The following COL14A1 variants were observed in gnomAD, a reference collection of about 807,000 sequenced individuals.
The protein encoded by COL14A1 is collagen alpha-1(XIV) chain.
In COL14A1, 136 loss-of-function variants were observed where a neutral mutation model predicts 230.3. The ratio of observed to expected loss-of-function variants is 0.59; its 90% CI spans 0.51 to 0.68. COL14A1 has a LOEUF of 0.68. COL14A1 is among the 30% of genes least tolerant of loss of function. The probability of loss-of-function intolerance (pLI) is 0.00; values close to 1 mark genes in which losing one functional copy is unlikely to be tolerated. For missense variants in COL14A1, 1,976 were observed against 2,215.8 expected (o/e 0.89, Z 2.17); for synonymous variants, 792 against 784.1 (o/e 1.01, Z -0.17).
intron 26 of COL14A1, among the ~76,000 whole-genome samples, chr8:120,274,680 G>A (rs1043269437): frequency 6.6e-6 from 1 of 151,154 alleles, no homozygotes; most frequent in Non-Finnish European, 1.5e-5. Flanking sequence ...ATACACCAAC[G>A]ATCAATTCTG....
intron 14 of COL14A1, among the ~76,000 whole-genome samples, chr8:120,220,077 A>C (rs182308656): frequency 6.6e-6 from 1 of 152,208 alleles, no homozygotes; most frequent in Non-Finnish European, 1.5e-5. Context: ...TACTGAAGTG[A>C]AGTATTACTG....
At chr8:120,218,796 A>G (rs80302102) in intron 14 of COL14A1, among the ~76,000 whole-genome samples, 3,335 of 152,280 alleles carry the variant, frequency 0.022, 124 homozygotes, top group African/African-American at 0.077. Flanking sequence ...CTCAGCTTCT[A>G]CTTATTGCTG....
At chr8:120,225,052 A>T (rs1300630062) in intron 14 of COL14A1, 36 bp from the exon 15 acceptor site, 11 of 1,593,816 alleles carry the variant, frequency 6.9e-6, no homozygotes, top group Non-Finnish European at 9.4e-6. Context: ...ACTTAGCATT[A>T]GATAGAGCTG....
chr8:120,285,970 G>T lies in COL14A1; in HGVS notation c.4077G>T (p.Lys1359Asn). ...IRKIFYGSFH[K>N]LHIVVSETLV... Reference sequence around the variant, plus strand: ...AAATTTTTTATGGAAGCTTTCACAAGGTTAGTAATGCTTTGTATGCATATA... The same window carrying T: ...AAATTTTTTATGGAAGCTTTCACAATGTTAGTAATGCTTTGTATGCATATA... The change falls in exon 33 of 48, where the codon AAG becomes AAT. Residue 1359 changes from lysine (K) to asparagine (N), a missense_variant and splice_region_variant. Around this residue, in one of 3 missense-constraint regions of COL14A1, gnomAD observed 1,791 missense variants for 2,019.5 expected, o/e 0.89. Coordinates refer to ENST00000297848, the MANE Select transcript of COL14A1 (RefSeq NM_021110.4). The T allele has an allele frequency of 6.7e-7, 1 of 1,499,732 alleles. No homozygotes were observed. The highest frequency in any genetic ancestry group is 1.1e-5 in the South Asian group (1 of 88,354). 92.9% of individuals were successfully genotyped at this position (1,499,732 alleles called of 1,614,324 possible).
At chr8:120,344,203 C>T (rs1337092715) in intron 44 of COL14A1, among the ~76,000 whole-genome samples, 2 of 152,212 alleles carry the variant, frequency 1.3e-5, no homozygotes, top group Admixed American at 6.5e-5. Flanking sequence ...AAGCCAGGCC[C>T]AGCCTACTCA....
intron 40 of COL14A1, among the ~76,000 whole-genome samples, chr8:120,316,211 C>A (rs1821225405): frequency 6.6e-6 from 1 of 152,152 alleles, no homozygotes; most frequent in Admixed American, 6.5e-5. Context: ...TTCATCAAAC[C>A]TTCCCAAATT....
At chr8:120,276,101 T>A (rs1819832402) in intron 26 of COL14A1, among the ~76,000 whole-genome samples, 1 of 150,830 alleles carries the variant, frequency 6.6e-6, no homozygotes, top group African/African-American at 2.4e-5. Context: ...ATCCAATGAG[T>A]AAAGACAATG....
At position 120,243,969 on chromosome 8, in the gene COL14A1, G is replaced by A; in HGVS notation, c.2440G>A (p.Asp814Asn). 6.2e-7 allele frequency: 1 copy of A among 1,613,552 alleles called. No individual in the cohort carries two copies. Among genetic ancestry groups the A allele is most frequent in the Non-Finnish European group, 8.5e-7 (1 of 1,179,640 alleles). The part of the protein sequence containing the change: ...YKVTVTPIYT[D>N]GEGVSVSAPG... ...AGTCACAGTGACTCCCATCTACACGGATGGCGAAGGCGTCAGCGTCTCCGC... is the reference window on the plus strand; with the variant it reads ...AGTCACAGTGACTCCCATCTACACGAATGGCGAAGGCGTCAGCGTCTCCGC... Residue 814 changes from aspartate (D) to asparagine (N), a missense_variant, in exon 20 of 48, where the codon GAT (aspartate) becomes AAT (asparagine). Physicochemically the swap from Asp to Asn is conservative, Grantham distance 23. Around this residue, in one of 3 missense-constraint regions of COL14A1, gnomAD observed 1,791 missense variants for 2,019.5 expected, o/e 0.89. Coordinates refer to ENST00000297848, the MANE Select transcript of COL14A1 (RefSeq NM_021110.4).
chr8:120,269,197 G>T (rs1819585841), intron 25 of COL14A1, among the ~76,000 whole-genome samples: 1 of 151,724 alleles, frequency 6.6e-6, no homozygotes, highest in Admixed American at 6.6e-5. Flanking sequence ...AGAGCAAATT[G>T]TTTGCTTCAT....
At chr8:120,235,163 C>T (rs1818400161) in intron 19 of COL14A1, among the ~76,000 whole-genome samples, 1 of 151,816 alleles carries the variant, frequency 6.6e-6, no homozygotes, top group Non-Finnish European at 1.5e-5. Context: ...AGTGATATCC[C>T]CTTTATCATT....
chr8:120,208,043 T>G (rs1297003859), intron 10 of COL14A1, among the ~76,000 whole-genome samples, 189 bp from the exon 11 acceptor site: 1 of 152,194 alleles, frequency 6.6e-6, no homozygotes, highest in Non-Finnish European at 1.5e-5. Flanking sequence ...TCTAGACACA[T>G]TCCATAAAAG....
rs778235978 is a variant in COL14A1 at position 120,209,772 on chromosome 8, T to G, written c.1338T>G (p.Ala446=). ...CTCTTGCAGTTGCTTTACCGATGGC[T>G]TCTGACCTTCTACTGTACGACGTGA... ...GTETTLALPM[A]SDLLLYDVTE... Residue 446 remains alanine, a synonymous_variant, in exon 12 of 48, where the codon GCT becomes GCG. Transcript: ENST00000297848. The G allele has an allele frequency of 3.1e-6, 5 of 1,612,072 alleles. No homozygotes were observed. The highest frequency in any genetic ancestry group is 4.2e-6 in the Non-Finnish European group (5 of 1,179,220).
At chr8:120,356,555 C>T (rs760436534) in intron 45 of COL14A1, among the ~76,000 whole-genome samples, 9 of 152,130 alleles carry the variant, frequency 5.9e-5, no homozygotes, top group Non-Finnish European at 1.3e-4. Context: ...TATATATTTC[C>T]TGACTTTCAT....
chr8:120,174,787 T>A (rs1227844730), intron 5 of COL14A1, among the ~76,000 whole-genome samples: 1 of 152,148 alleles, frequency 6.6e-6, no homozygotes, highest in African/African-American at 2.4e-5. Flanking sequence ...GCGCTGGTTA[T>A]GTGAGAGAAT....
At chr8:120,295,262 C>T (rs117201965) in intron 34 of COL14A1, among the ~76,000 whole-genome samples, 3,220 of 151,880 alleles carry the variant, frequency 0.021, 55 homozygotes, top group Middle Eastern at 0.11. Flanking sequence ...GGGCTATCTG[C>T]ATTTTAAACG....
chr8:120,323,609 G>A (rs1733293750), intron 40 of COL14A1, among the ~76,000 whole-genome samples: 1 of 152,090 alleles, frequency 6.6e-6, no homozygotes, highest in Admixed American at 6.6e-5. Flanking sequence ...TATAAGGAAG[G>A]GGTCCGGTTT....
intron 35 of COL14A1, among the ~76,000 whole-genome samples, chr8:120,300,055 T>C (rs942870960): frequency 1.6e-4 from 24 of 152,152 alleles, no homozygotes; most frequent in Admixed American, 3.9e-4. Flanking sequence ...TGCTCTGTCT[T>C]CCTCTGCATT....
At chr8:120,270,247 G>A in intron 26 of COL14A1, 73 bp downstream of exon 26, 1 of 1,421,958 alleles carries the variant, frequency 7.0e-7, no homozygotes, top group East Asian at 2.5e-5. Flanking sequence ...ACAGCTACTT[G>A]TCAGGGACTA....
intron 5 of COL14A1, among the ~76,000 whole-genome samples, chr8:120,175,709 C>T (rs1816261047): frequency 6.6e-6 from 1 of 152,124 alleles, no homozygotes; most frequent in South Asian, 2.1e-4. Context: ...GATCATATGG[C>T]CTGCAAAGAC....
Sources: allele counts gnomAD v4.1 joint callset (sites outside exome capture counted in the v4.1 genomes callset), GRCh38; gene constraint gnomAD v4.1.1; regional missense constraint gnomAD v4.1.1; transcripts MANE v1.5; gene names NCBI Gene and HGNC (gene_info 2026-07-23, HGNC 2026-07-21).